Variants in HSF2 observed in about 807,000 individuals in gnomAD.
HSF2 encodes heat shock transcription factor 2.
In HSF2, 21 loss-of-function variants were observed where a neutral mutation model predicts 65.0. The observed-to-expected ratio is 0.32, with a 90% CI of 0.23 to 0.47. HSF2 has a LOEUF of 0.47. HSF2 is among the 20% of genes least tolerant of loss of function. HSF2 has a pLI of 1.00. For synonymous variants in HSF2, 225 were observed against 219.1 expected, an observed-to-expected ratio of 1.03 and a Z score of -0.24; for missense variants, 499 against 628.1, an observed-to-expected ratio of 0.79 and a Z score of 2.20.
At chr6:122,399,936 A>C (rs1312416459) in intron 1 of HSF2, 106 bp downstream of exon 1, 3 of 871,572 alleles carry the variant, frequency 3.4e-6, no homozygotes, top group Non-Finnish European at 5.6e-6. Flanking sequence ...GCTGTCTGCG[A>C]GGCCCGCGGT....
At chr6:122,427,543 C>T (rs577963149) in intron 10 of HSF2, among the ~76,000 whole-genome samples, 1 of 151,860 alleles carries the variant, frequency 6.6e-6, no homozygotes, top group South Asian at 2.1e-4. Context: ...GCAGAGGTCT[C>T]AACCCTGCAC....
chr6:122,430,968 C>T (rs1774451277), intron 11 of HSF2, among the ~76,000 whole-genome samples: 1 of 152,126 alleles, frequency 6.6e-6, no homozygotes, highest in Admixed American at 6.6e-5. Context: ...GTCATTATGT[C>T]ATCCTGAGCT....
chr6:122,403,249 A>C lies in HSF2; in HGVS notation c.93+3419A>C, dbSNP rs1285818370. On this transcript the variant is annotated intron_variant, in intron 1 of 12. Transcript: ENST00000368455. ...TATAATAATCTGAACAATTGAAATTATACTTAAATATGTTATTGACTCTAA... is the reference window on the plus strand; with the variant it reads ...TATAATAATCTGAACAATTGAAATTCTACTTAAATATGTTATTGACTCTAA... Among the ~76,000 whole-genome samples, 4 of 152,344 alleles carry C rather than the reference A, an allele frequency of 2.6e-5. No individual in the cohort carries two copies. In the South Asian group the frequency reaches 8.3e-4, roughly 32 times the overall value.
chr6:122,424,443 G>A (rs1026333235), intron 10 of HSF2, among the ~76,000 whole-genome samples: 7 of 151,782 alleles, frequency 4.6e-5, no homozygotes, highest in African/African-American at 7.3e-5. Flanking sequence ...TTACATTGCA[G>A]CTTCTCTTAC....
chr6:122,412,533 C>G (rs773141201), intron 2 of HSF2, 52 bp downstream of exon 2: 3 of 1,534,582 alleles, frequency 2.0e-6, no homozygotes, highest in Non-Finnish European at 2.7e-6. Context: ...ACTGATGAAG[C>G]CATTTTTTTT....
At position 122,399,735 on chromosome 6, in the gene HSF2, A is replaced by G; in HGVS notation, c.-3A>G. 6 of 1,609,412 alleles carry G rather than the reference A, an allele frequency of 3.7e-6. No homozygotes were observed. The highest frequency in any genetic ancestry group is 4.2e-6 in the Non-Finnish European group (5 of 1,177,658). On this transcript the variant is annotated 5_prime_UTR_variant, in exon 1 of 13. Coordinates refer to ENST00000368455, the MANE Select transcript of HSF2 (RefSeq NM_004506.4). ...AATTTGGAATCCCTGCGCCGCGTTAACAATGAAGCAGAGTTCGAACGTGCC... is the reference window on the plus strand; with the variant it reads ...AATTTGGAATCCCTGCGCCGCGTTAGCAATGAAGCAGAGTTCGAACGTGCC...
In HSF2 at chr6:122,413,655, G is replaced by T. The variant is rs767834141; in HGVS notation, c.455+6G>T. 1.2e-5 allele frequency: 19 copies of T among 1,598,228 alleles called. No homozygotes were observed. Among genetic ancestry groups the T allele is most frequent in the Non-Finnish European group, 8.6e-7 (1 of 1,168,744 alleles). On this transcript the variant is annotated splice_donor_region_variant and intron_variant, in intron 4 of 12. Transcript: ENST00000368455. ...AGGCTTTCTGAATTAAAAAGGTAAAGTGTTATTTCCAAATATAATTTTAAT... is the reference window on the plus strand; with the variant it reads ...AGGCTTTCTGAATTAAAAAGGTAAATTGTTATTTCCAAATATAATTTTAAT...
At chr6:122,420,826 C>T (rs1774220010) in intron 7 of HSF2, among the ~76,000 whole-genome samples, 1 of 148,214 alleles carries the variant, frequency 6.7e-6, no homozygotes, top group Admixed American at 6.8e-5. Flanking sequence ...ATTCTCCTGC[C>T]TCAGTCTCCT....
Position 122,432,560 on chromosome 6 carries a change from GCTGT to G in HSF2, c.*343_*346del, listed in dbSNP as rs749898830. The G allele has an allele frequency of 7.1e-5, 16 of 224,638 alleles. No individual in the cohort carries two copies. The highest frequency in any genetic ancestry group is 2.4e-4 in the East Asian group (2 of 8,180). The allele number at this position is 224,638 out of a possible 1,614,324, so 13.9% of individuals were successfully genotyped here. On this transcript the variant is annotated 3_prime_UTR_variant, in exon 13 of 13. Coordinates refer to ENST00000368455, the MANE Select transcript of HSF2 (RefSeq NM_004506.4). Reference sequence around the variant, plus strand: ...ATTTTTGTTTGTTTTCCTGTTTGATGCTGTCTATTTGCATTGAGTGTAAGTCATT... The same window carrying G: ...ATTTTTGTTTGTTTTCCTGTTTGATGCTATTTGCATTGAGTGTAAGTCATT...
At chr6:122,419,329 G>T (rs3734595) in intron 6 of HSF2, 100 bp downstream of exon 6, 80,908 of 563,346 alleles carry the variant, frequency 0.14, 6,225 homozygotes, top group East Asian at 0.23. Context: ...TGTGCTTGTT[G>T]TCCAAAAAGA....
rs1774202251 is a variant in HSF2 at position 122,420,186 on chromosome 6, C to T, written c.645C>T (p.His215=). ...CCCAAAAGAAGAACCTGTTTCAGCA[C>T]ATAGTCAAAGAACCAACTGATAATC... ...NGAQKKNLFQ[H]IVKEPTDNHH... is the part of the protein sequence containing the mutation. Residue 215 remains histidine (H), a synonymous_variant, in exon 7 of 13, where the codon CAC becomes CAT. Coordinates refer to ENST00000368455, the MANE Select transcript of HSF2 (RefSeq NM_004506.4). 6.2e-7 allele frequency: 1 copy of T among 1,606,872 alleles called. No homozygotes were observed. The highest frequency in any genetic ancestry group is 8.5e-7 in the Non-Finnish European group (1 of 1,174,436).
At chr6:122,427,639 A>T (rs559687797) in intron 10 of HSF2, among the ~76,000 whole-genome samples, 1 of 152,060 alleles carries the variant, frequency 6.6e-6, no homozygotes, top group East Asian at 1.9e-4. Context: ...GGAGGTGAAA[A>T]CCACTATTTG....
chr6:122,420,253 T>C (rs1327440247), intron 7 of HSF2, 31 bp downstream of exon 7: 3 of 1,526,188 alleles, frequency 2.0e-6, no homozygotes, highest in African/African-American at 2.8e-5. Flanking sequence ...TATTTTATAT[T>C]TATTGTCTCA....
chr6:122,404,660 G>A (rs1483944463), intron 1 of HSF2, among the ~76,000 whole-genome samples: 1 of 152,164 alleles, frequency 6.6e-6, no homozygotes, highest in African/African-American at 2.4e-5. Flanking sequence ...TGTGGGTAAG[G>A]TTTAAGGAGA....
intron 11 of HSF2, 128 bp downstream of exon 11, chr6:122,428,084 C>T: frequency 2.0e-6 from 1 of 503,534 alleles, no homozygotes; most frequent in Non-Finnish European, 3.5e-6. Flanking sequence ...TATGTGTGAT[C>T]AAGATAATAA....
chr6:122,408,848 ATTT>A (rs372791560), intron 1 of HSF2, among the ~76,000 whole-genome samples: 1 of 141,034 alleles, frequency 7.1e-6, no homozygotes, highest in African/African-American at 2.6e-5. Flanking sequence ...TTTTAACTTC[ATTT>A]TTTTTTTTTT....
chr6:122,409,986 T>C (rs1341587110), intron 1 of HSF2, among the ~76,000 whole-genome samples: 2 of 152,024 alleles, frequency 1.3e-5, no homozygotes, highest in Non-Finnish European at 2.9e-5. Flanking sequence ...GATTTGCTGG[T>C]TCATCTGTCC....
chr6:122,407,085 A>G (rs763088396), intron 1 of HSF2, among the ~76,000 whole-genome samples: 3 of 152,182 alleles, frequency 2.0e-5, no homozygotes, highest in Non-Finnish European at 2.9e-5. Context: ...TCCAACATTT[A>G]GAGAGTATGA....
At chr6:122,431,340 A>G (rs1012512012) in intron 11 of HSF2, 90 bp from the exon 12 acceptor site, 6 of 492,282 alleles carry the variant, frequency 1.2e-5, no homozygotes, top group Non-Finnish European at 1.7e-5. Flanking sequence ...CAGATAATAT[A>G]CCAGTATTTA....
Sources: allele counts gnomAD v4.1 joint callset (sites outside exome capture counted in the v4.1 genomes callset), GRCh38; gene constraint gnomAD v4.1.1; transcripts MANE v1.5; gene names NCBI Gene and HGNC (gene_info 2026-07-23, HGNC 2026-07-21).